HGS: variants seen among roughly 807,000 people sequenced by gnomAD.
HGS encodes hepatocyte growth factor-regulated tyrosine kinase substrate, also known as human growth factor-regulated tyrosine kinase substrate.
A neutral mutation model predicts 109.7 loss-of-function variants in HGS; 63 were observed. The ratio of observed to expected loss-of-function variants is 0.57; its 90% CI spans 0.47 to 0.71. HGS has a LOEUF of 0.71. HGS is among the 30% of genes least tolerant of loss of function. The pLI is 0.00. For synonymous variants in HGS, 546 were observed against 437.3 expected, an observed-to-expected ratio of 1.25 and a Z score of -3.10; for missense variants, 995 against 1,068.3, an observed-to-expected ratio of 0.93 and a Z score of 0.96.
chr17:81,688,548 G>A (rs1170586400), intron 4 of HGS, among the ~76,000 whole-genome samples, 156 bp from the exon 5 acceptor site: 1 of 152,178 alleles, frequency 6.6e-6, no homozygotes, highest in East Asian at 1.9e-4. Context: ...GGAACAGGTT[G>A]GTGCATGGCC....
chr17:81,691,228 T>G lies in HGS; in HGVS notation c.538-219T>G. 1 of 571,284 alleles carries G rather than the reference T, an allele frequency of 1.8e-6. No homozygotes were observed. 35.4% of individuals were successfully genotyped at this position (571,284 alleles called of 1,614,324 possible). Reference sequence around the variant, plus strand: ...TTTTTTCCTTGCCCTTACTTTTAACTTACCTTATTTTCCCCAAAACGGTGG... The same window carrying G: ...TTTTTTCCTTGCCCTTACTTTTAACGTACCTTATTTTCCCCAAAACGGTGG... On this transcript the variant is annotated intron_variant, in intron 7 of 21. Transcript: ENST00000329138. The surrounding 1 kb of genome is among the most constrained non-coding windows in gnomAD (Gnocchi z 5.3).
chr17:81,691,163 C>T lies in HGS; in HGVS notation c.538-284C>T. On this transcript the variant is annotated intron_variant, in intron 7 of 21. Coordinates refer to ENST00000329138, the MANE Select transcript of HGS (RefSeq NM_004712.5). This position sits in a 1 kb window ranked among gnomAD's most constrained non-coding sequence, Gnocchi z 5.3. ...TCAGCAGCTTCCAGCACCCACTGCA[C>T]TCACAAAAGCTCTTGTTTTATCAGC... The T allele has an allele frequency of 2.1e-6, 1 of 471,920 alleles. No homozygotes were observed. The highest frequency in any genetic ancestry group is 3.8e-5 in the East Asian group (1 of 26,426). 29.2% of individuals were successfully genotyped at this position (471,920 alleles called of 1,614,324 possible).
In HGS at chr17:81,688,721, C is replaced by T. The variant is rs147753915; in HGVS notation, c.309C>T (p.Asn103=). 9.9e-6 allele frequency: 16 copies of T among 1,613,890 alleles called. No homozygotes were observed. Among genetic ancestry groups the T allele is most frequent in the African/African-American group, 5.3e-5 (4 of 74,942 alleles). ...KDLLKRQVEV[N]VRNKILYLIQ... The stretch of plus-strand genomic sequence containing the variant: ...GCCTGCAGAGACAAGTGGAGGTAAA[C>T]GTCCGTAACAAGATCCTGTACCTGA... Residue 103 remains asparagine (N), a synonymous_variant, in exon 5 of 22, where the codon AAC becomes AAT. Transcript: ENST00000329138.
chr17:81,695,936 C>T lies in HGS; in HGVS notation c.1330C>T (p.Gln444Ter). The T allele has an allele frequency of 6.3e-7, 1 of 1,595,198 alleles. No individual in the cohort carries two copies. The highest frequency in any genetic ancestry group is 8.6e-7 in the Non-Finnish European group (1 of 1,167,966). ...TGACTCGGCCGTGCTCTCACTCTTC[C>T]AGTCCATCAACGGCATGCACCCGCA... ...TNDSAVLSLFQSINGMHPQLL... is the reference protein window; with the variant it reads ...TNDSAVLSLF The change falls in exon 15 of 22, where the codon CAG becomes TAG. Residue 444 changes from glutamine (Q) to a stop codon, truncating the protein, a stop_gained. Coordinates refer to ENST00000329138, the MANE Select transcript of HGS (RefSeq NM_004712.5). LOFTEE classifies it high-confidence loss of function.
In HGS at chr17:81,696,017, G is replaced by C; in HGVS notation, c.1393+18G>C. 1 of 1,532,812 alleles carries C rather than the reference G, an allele frequency of 6.5e-7. No individual in the cohort carries two copies. The highest frequency in any genetic ancestry group is 1.3e-5 in the South Asian group (1 of 79,780). 95.0% of individuals were successfully genotyped at this position (1,532,812 alleles called of 1,614,324 possible). On this transcript the variant is annotated intron_variant, in intron 15 of 21. Coordinates refer to ENST00000329138, the MANE Select transcript of HGS (RefSeq NM_004712.5). ...GCGCAGGCGTAGGTGCCCGCGCCAC[G>C]GGGCCTCGGCTCAGGGGCAGCCAGG... is the stretch of plus-strand genomic sequence containing the variant.
chr17:81,699,026 C>T (rs995433641), intron 18 of HGS, among the ~76,000 whole-genome samples: 1 of 150,948 alleles, frequency 6.6e-6, no homozygotes, highest in Non-Finnish European at 1.5e-5. Context: ...AAGATCATGC[C>T]ATTGCCCTCC....
chr17:81,696,553 G>C, intron 16 of HGS, 24 bp downstream of exon 16: 1 of 1,545,524 alleles, frequency 6.5e-7, no homozygotes, highest in Non-Finnish European at 8.7e-7. Context: ...CCAGCCACAG[G>C]CCGGGGCCGG....
At chr17:81,694,106 G>C (rs529714217) in intron 11 of HGS, 141 bp downstream of exon 11, 14 of 691,706 alleles carry the variant, frequency 2.0e-5, no homozygotes, top group Admixed American at 5.9e-5. Flanking sequence ...CCAGCACACG[G>C]GCGGACATCA....
intron 2 of HGS, among the ~76,000 whole-genome samples, chr17:81,686,042 C>T (rs2036974309): frequency 2.0e-5 from 3 of 152,096 alleles, no homozygotes; most frequent in African/African-American, 7.2e-5. Flanking sequence ...ACGATCGTCC[C>T]ACCTCAACCT....
chr17:81,690,233 G>C lies in HGS; in HGVS notation c.467G>C (p.Arg156Thr). ...KESDAMFAAERAPDWVDAEEC... is the reference protein window; with the variant it reads ...KESDAMFAAETAPDWVDAEEC... ...AGCGATGCCATGTTTGCTGCCGAGAGAGTGAGTGTGGGCGGCCGCCAGGGG... is the reference window on the plus strand; with the variant it reads ...AGCGATGCCATGTTTGCTGCCGAGACAGTGAGTGTGGGCGGCCGCCAGGGG... The change falls in exon 6 of 22, where the codon AGA becomes ACA. Residue 156 changes from arginine to threonine, a missense_variant and splice_region_variant. This residue lies in a region of HGS where 182 missense variants were observed against 261.3 expected (regional missense o/e 0.70). Transcript: ENST00000329138. 1 of 1,613,914 alleles carries C rather than the reference G, an allele frequency of 6.2e-7. No individual in the cohort carries two copies. The highest frequency in any genetic ancestry group is 8.5e-7 in the Non-Finnish European group (1 of 1,179,842).
chr17:81,698,507 G>T (rs2037188290), intron 18 of HGS, among the ~76,000 whole-genome samples: 1 of 152,144 alleles, frequency 6.6e-6, no homozygotes, highest in African/African-American at 2.4e-5. Context: ...CCATTGGTTT[G>T]GGTTGCTCCT....
chr17:81,694,046 G>A, intron 11 of HGS, 81 bp downstream of exon 11: 1 of 1,268,266 alleles, frequency 7.9e-7, no homozygotes, highest in Admixed American at 2.3e-5. Flanking sequence ...AGCTGATTTA[G>A]TCAGGTTGGT....
chr17:81,691,074 C>T lies in HGS; in HGVS notation c.537+332C>T, dbSNP rs541687124. On this transcript the variant is annotated intron_variant, in intron 7 of 21. Transcript: ENST00000329138. This position sits in a 1 kb window ranked among gnomAD's most constrained non-coding sequence, Gnocchi z 5.3. ...CTTAGCCCATCTGGATTCTTACCCT[C>T]GAGGCATCTTCACATCAAAACCCCC... 2.1e-4 allele frequency: 92 copies of T among 445,346 alleles called. 2 individuals carry two copies. In the South Asian group the frequency reaches 2.6e-3, roughly 13 times the overall value. The allele number at this position is 445,346 out of a possible 1,614,324, so 27.6% of individuals were successfully genotyped here.
At position 81,700,542 on chromosome 17, in the gene HGS, G is replaced by T; in HGVS notation, c.1958G>T (p.Gly653Val). 5.6e-6 allele frequency: 9 copies of T among 1,610,782 alleles called. No homozygotes were observed. Among genetic ancestry groups the T allele is most frequent in the Non-Finnish European group, 7.6e-6 (9 of 1,178,570 alleles). Residue 653 changes from glycine (G) to valine (V), a missense_variant, in exon 19 of 22, where the codon GGA (glycine) becomes GTA (valine). Around this residue, in one of 6 missense-constraint regions of HGS, gnomAD observed 326 missense variants for 309.7 expected, o/e 1.05. Coordinates refer to ENST00000329138, the MANE Select transcript of HGS (RefSeq NM_004712.5). The stretch of plus-strand genomic sequence containing the variant: ...CAGGCGGCCCCCCAGGCCCAGGCCG[G>T]ACCCACCGCCAGCCCCGCTTACTCA... ...GAQAAPQAQA[G>V]PTASPAYSSY... is the part of the protein sequence containing the mutation.
At chr17:81,686,486 C>T (rs1281212579) in intron 3 of HGS, 99 bp downstream of exon 3, 1 of 811,924 alleles carries the variant, frequency 1.2e-6, no homozygotes, top group Non-Finnish European at 2.1e-6. Flanking sequence ...GCCCACCTCC[C>T]TGGGCATACA....
chr17:81,701,024 T>G, intron 20 of HGS, 21 bp from the exon 21 acceptor site: 1 of 1,607,604 alleles, frequency 6.2e-7, no homozygotes. Flanking sequence ...CTCTCTCACA[T>G]CTGACGTCTT....
At chr17:81,684,299 C>T in intron 1 of HGS, 196 bp downstream of exon 1, 1 of 426,404 alleles carries the variant, frequency 2.3e-6, no homozygotes, top group Non-Finnish European at 3.9e-6. Flanking sequence ...GTCCGTCGGG[C>T]GTTGGCAAAT....
At chr17:81,694,708 A>G (rs1272831665) in intron 11 of HGS, 107 bp from the exon 12 acceptor site, 1 of 1,367,920 alleles carries the variant, frequency 7.3e-7, no homozygotes, top group Non-Finnish European at 1.0e-6. Context: ...GGGAGGGCCC[A>G]GGCTGCGGCT....
At chr17:81,688,890 C>T (rs747612837) in intron 5 of HGS, 63 bp downstream of exon 5, 139 of 1,603,150 alleles carry the variant, frequency 8.7e-5, no homozygotes, top group Middle Eastern at 3.3e-4. Flanking sequence ...TCAGGCTCAA[C>T]GGGCACAGTG....
Sources: allele counts gnomAD v4.1 joint callset (sites outside exome capture counted in the v4.1 genomes callset), GRCh38; gene constraint gnomAD v4.1.1; regional missense constraint gnomAD v4.1.1; non-coding constraint Gnocchi (gnomAD v3.1); transcripts MANE v1.5; gene names NCBI Gene and HGNC (gene_info 2026-07-23, HGNC 2026-07-21).